Variants in IRS1 observed in about 807,000 individuals in gnomAD.
IRS1 encodes insulin receptor substrate 1.
IRS1 carries 34 observed loss-of-function variants against 65.6 expected under a neutral mutation model. The observed-to-expected ratio is 0.52, with a 90% CI of 0.39 to 0.69. IRS1 has a LOEUF of 0.69. Among genes scored for constraint, IRS1 ranks in the 30% least tolerant of loss-of-function variants. IRS1 has a pLI of 0.00. For synonymous variants in IRS1, 699 were observed against 683.5 expected (o/e 1.02, Z -0.35); for missense variants, 1,641 against 1,720.2 (o/e 0.95, Z 0.81).
Position 226,795,649 on chromosome 2 carries a change from G to C in IRS1, c.3090C>G (p.Thr1030=), listed in dbSNP as rs899312279. The C allele has an allele frequency of 6.2e-7, 1 of 1,612,792 alleles. No homozygotes were observed. Among genetic ancestry groups the C allele is most frequent in the Non-Finnish European group, 8.5e-7 (1 of 1,179,908 alleles). Residue 1030 remains threonine (T), a synonymous_variant, in exon 1 of 2, where the codon ACC becomes ACG. Transcript: ENST00000305123. The stretch of plus-strand genomic sequence containing the variant: ...CTGAGGATGAGGAGGCAGCAGCCAT[G>C]GTGGCCCTGGGCAGGCTCACCTCCT... ...AAEEVSLPRA[T]MAAASSSSAA...
intron 1 of IRS1, among the ~76,000 whole-genome samples, chr2:226,740,288 G>A (rs908467381): frequency 4.6e-5 from 7 of 152,132 alleles, no homozygotes; most frequent in Non-Finnish European, 7.3e-5. Flanking sequence ...GTCCTTCTGC[G>A]TGTATATTCT....
rs752343670 is a variant in IRS1, at chr2:226,797,518, G to C, written c.1221C>G (p.Leu407=). 6.2e-7 allele frequency: 1 copy of C among 1,612,184 alleles called. No homozygotes were observed. Among genetic ancestry groups the C allele is most frequent in the Non-Finnish European group, 8.5e-7 (1 of 1,179,564 alleles). ...CCGAAGCACTAGATCGCCGTGGGAA[G>C]AGACAATCCGAGGTGGAGCCATGGC... is the stretch of plus-strand genomic sequence containing the variant. The part of the protein sequence containing the change: ...TSGHGSTSDC[L]FPRRSSASVS... Residue 407 remains leucine (L), a synonymous_variant, in exon 1 of 2, where the codon CTC becomes CTG. Transcript: ENST00000305123. The surrounding 1 kb of genome is among the most constrained non-coding windows in gnomAD (Gnocchi z 8.1).
chr2:226,777,689 G>A (rs1347663787), intron 1 of IRS1, among the ~76,000 whole-genome samples: 2 of 152,142 alleles, frequency 1.3e-5, no homozygotes, highest in Non-Finnish European at 2.9e-5. Context: ...TGATCTGATA[G>A]TTTTAAAAAC....
At chr2:226,786,091 G>A (rs1162757429) in intron 1 of IRS1, among the ~76,000 whole-genome samples, 2 of 149,042 alleles carry the variant, frequency 1.3e-5, no homozygotes, top group East Asian at 4.1e-4. Flanking sequence ...TTTTATGGCT[G>A]CATCGTATTC....
At position 226,777,304 on chromosome 2, in the gene IRS1, G is replaced by A. The variant is rs1420670374; in HGVS notation, c.*21+17685C>T. Among the ~76,000 whole-genome samples the A allele has an allele frequency of 2.6e-5, 4 of 152,144 alleles. No individual in the cohort carries two copies. In the East Asian group the frequency reaches 7.7e-4, roughly 29 times the overall value. ...AATTCTGTAAATCTGTAACTGTCCT[G>A]AAATAAAAAAGTGTATTTTAAAAAT... is the stretch of plus-strand genomic sequence containing the variant. On this transcript the variant is annotated intron_variant, in intron 1 of 1. Transcript: ENST00000305123.
intron 1 of IRS1, among the ~76,000 whole-genome samples, chr2:226,738,203 C>T (rs144579822): frequency 5.9e-5 from 9 of 152,298 alleles, no homozygotes; most frequent in East Asian, 1.9e-4. Flanking sequence ...CCAAAATACA[C>T]GCAACGTAAG....
chr2:226,743,909 G>T lies in IRS1; in HGVS notation c.*22-7659C>A, dbSNP rs1349634252. Among the ~76,000 whole-genome samples, 5 of 152,216 alleles carry T rather than the reference G, an allele frequency of 3.3e-5. No homozygotes were observed. In the East Asian group the frequency reaches 9.6e-4, roughly 29 times the overall value. ...ATTAGACAAAAGGGAATCAGGCAGAGCCTATTTTCACTGCCTTTGCTTTTT... is the reference window on the plus strand; with the variant it reads ...ATTAGACAAAAGGGAATCAGGCAGATCCTATTTTCACTGCCTTTGCTTTTT... On this transcript the variant is annotated intron_variant, in intron 1 of 1. Transcript: ENST00000305123.
chr2:226,772,167 C>A (rs974069290), intron 1 of IRS1, among the ~76,000 whole-genome samples: 1 of 152,114 alleles, frequency 6.6e-6, no homozygotes, highest in Non-Finnish European at 1.5e-5. Context: ...GGAACAAAAA[C>A]CAAAAGCACC....
intron 1 of IRS1, among the ~76,000 whole-genome samples, chr2:226,769,571 G>A (rs1041876739): frequency 1.3e-5 from 2 of 152,204 alleles, no homozygotes; most frequent in African/African-American, 4.8e-5. Context: ...GGTTTCCGAC[G>A]CGTTTCATGG....
intron 1 of IRS1, among the ~76,000 whole-genome samples, chr2:226,749,767 C>T (rs1198817384): frequency 2.6e-5 from 4 of 152,250 alleles, no homozygotes; most frequent in South Asian, 2.1e-4. Context: ...AATGACTATC[C>T]GAAAGATGCA....
chr2:226,797,483 G>A lies in IRS1; in HGVS notation c.1256C>T (p.Ser419Phe). The stretch of plus-strand genomic sequence containing the variant: ...GGAGATGAAACCGCCATCGCTGGGG[G>A]AACCAGACACCGAAGCACTAGATCG... Reference protein sequence around the residue: ...PRRSSASVSGSPSDGGFISSD... With the variant: ...PRRSSASVSGFPSDGGFISSD... Residue 419 changes from serine to phenylalanine, a missense_variant, in exon 1 of 2, where the codon TCC becomes TTC. Ser to Phe is a radical substitution (Grantham distance 155). This residue lies in a region of IRS1 where 1,324 missense variants were observed against 1,361.0 expected (regional missense o/e 0.97). Transcript: ENST00000305123. The surrounding 1 kb of genome is among the most constrained non-coding windows in gnomAD (Gnocchi z 8.1). 1 of 1,613,624 alleles carries A rather than the reference G, an allele frequency of 6.2e-7. No homozygotes were observed.
intron 1 of IRS1, among the ~76,000 whole-genome samples, chr2:226,764,025 T>C (rs1361699959): frequency 6.6e-6 from 1 of 152,046 alleles, no homozygotes; most frequent in Non-Finnish European, 1.5e-5. Flanking sequence ...TATACACAAC[T>C]CTGTAGTTCA....
In IRS1 at chr2:226,769,216, A is replaced by G. The variant is rs150595115; in HGVS notation, c.*21+25773T>C. ...TTAAAGCACGGAATACATGCCAAAG[A>G]TGAAAATCCACTAAGCAGAGTCAAA... On this transcript the variant is annotated intron_variant, in intron 1 of 1. Transcript: ENST00000305123. Among the ~76,000 whole-genome samples, 223 of 152,322 alleles carry G rather than the reference A, an allele frequency of 1.5e-3. 1 individual carries two copies. Among genetic ancestry groups the G allele is most frequent in the African/African-American group, 4.6e-3 (193 of 41,566 alleles).
At chr2:226,785,636 A>G (rs1218287589) in intron 1 of IRS1, among the ~76,000 whole-genome samples, 3 of 152,166 alleles carry the variant, frequency 2.0e-5, no homozygotes, top group Admixed American at 6.5e-5. Context: ...ATAAATAAAT[A>G]AGACACATTT....
At chr2:226,777,401 A>G (rs565282244) in intron 1 of IRS1, among the ~76,000 whole-genome samples, 1 of 152,238 alleles carries the variant, frequency 6.6e-6, no homozygotes, top group Non-Finnish European at 1.5e-5. Context: ...TTTGTTTTCC[A>G]AAGGATTTTC....
intron 1 of IRS1, among the ~76,000 whole-genome samples, chr2:226,750,580 T>A (rs755378958): frequency 6.6e-6 from 1 of 152,220 alleles, no homozygotes; most frequent in Non-Finnish European, 1.5e-5. Context: ...GAAGAATACA[T>A]ATCAAATTTA....
intron 1 of IRS1, among the ~76,000 whole-genome samples, chr2:226,782,194 C>T (rs752227835): frequency 7.9e-5 from 12 of 152,062 alleles, no homozygotes; most frequent in Non-Finnish European, 1.6e-4. Flanking sequence ...AATACCACCA[C>T]GTTCAACTTT....
intron 1 of IRS1, among the ~76,000 whole-genome samples, chr2:226,738,848 C>A (rs542935356): frequency 6.6e-6 from 1 of 152,122 alleles, no homozygotes; most frequent in Admixed American, 6.5e-5. Flanking sequence ...AACAAACTGC[C>A]GAACATAAAA....
chr2:226,766,121 T>TATATATATATATATA (rs1553531211), intron 1 of IRS1, among the ~76,000 whole-genome samples: 4 of 14,242 alleles, frequency 2.8e-4, no homozygotes, highest in East Asian at 1.9e-3. Flanking sequence ...TCTCTTAATC[T>TATATATATATATATA]TATATATATA....
Sources: allele counts gnomAD v4.1 joint callset (sites outside exome capture counted in the v4.1 genomes callset), GRCh38; gene constraint gnomAD v4.1.1; regional missense constraint gnomAD v4.1.1; non-coding constraint Gnocchi (gnomAD v3.1); transcripts MANE v1.5; gene names NCBI Gene and HGNC (gene_info 2026-07-23, HGNC 2026-07-21).